The following RNF145 variants were observed in gnomAD, a reference collection of about 807,000 sequenced individuals.
The protein encoded by RNF145 is ring finger protein 145.
In RNF145, 12 loss-of-function variants were observed where a neutral mutation model predicts 57.3. That is an observed-to-expected ratio of 0.21 (90% CI 0.13 to 0.34). RNF145 has a LOEUF of 0.34. Among genes scored for constraint, RNF145 ranks in the 10% least tolerant of loss-of-function variants. RNF145 has a pLI of 1.00. For missense variants in RNF145, 429 were observed against 799.0 expected (o/e 0.54, Z 5.58); for synonymous variants, 262 against 288.3 (o/e 0.91, Z 0.92).
At position 159,203,625 on chromosome 5, in the gene RNF145, T is replaced by TG. The variant is rs767631582; in HGVS notation, c.-9_-8insC. On this transcript the variant is annotated 5_prime_UTR_variant, in exon 2 of 11. Transcript: ENST00000424310. Reference sequence around the variant, plus strand: ...TTTCTCCTTTGCAGCCATGTTGTTTTTTTTTTTCTTTTTTTTTTTCTTGGA... The same window carrying TG: ...TTTCTCCTTTGCAGCCATGTTGTTTTGTTTTTTTCTTTTTTTTTTTCTTGGA... 1 of 1,595,034 alleles carries TG rather than the reference T, an allele frequency of 6.3e-7. No individual in the cohort carries two copies. The highest frequency in any genetic ancestry group is 1.4e-5 in the African/African-American group (1 of 73,294).
chr5:159,181,832 T>C (rs907661533), intron 4 of RNF145, 128 bp downstream of exon 4: 1 of 597,252 alleles, frequency 1.7e-6, no homozygotes, highest in South Asian at 2.3e-5. Flanking sequence ...AATGGGTATA[T>C]GTGGGAAAAG....
intron 3 of RNF145, among the ~76,000 whole-genome samples, chr5:159,188,981 G>A (rs570079597): frequency 9.2e-5 from 14 of 151,988 alleles, no homozygotes; most frequent in East Asian, 5.8e-4. Flanking sequence ...TTTTAAGTAC[G>A]AAATTAATTG....
chr5:159,192,838 G>T (rs922894328), intron 3 of RNF145, among the ~76,000 whole-genome samples: 1 of 152,184 alleles, frequency 6.6e-6, no homozygotes, highest in African/African-American at 2.4e-5. Flanking sequence ...AAAAATAAGT[G>T]CCCAGGCACT....
intron 2 of RNF145, among the ~76,000 whole-genome samples, chr5:159,202,447 C>G (rs1785702219): frequency 6.6e-6 from 1 of 152,172 alleles, no homozygotes. Context: ...GATGAGTTTA[C>G]TGAACCGAAA....
intron 1 of RNF145, chr5:159,207,817 C>T (rs763004471): frequency 6.2e-7 from 1 of 1,614,176 alleles, no homozygotes; most frequent in Admixed American, 1.7e-5. Flanking sequence ...ACCGCAAAGA[C>T]AGGGAGTCTA....
chr5:159,159,818 G>A (rs1220353996), intron 10 of RNF145, among the ~76,000 whole-genome samples: 5 of 152,176 alleles, frequency 3.3e-5, no homozygotes. Context: ...TGAAGTTAAA[G>A]TTATAAAGAC....
chr5:159,180,881 G>A (rs113733836), intron 4 of RNF145, among the ~76,000 whole-genome samples: 6 of 152,130 alleles, frequency 3.9e-5, no homozygotes, highest in African/African-American at 1.4e-4. Flanking sequence ...TGTAGTTTTA[G>A]ATTTTGCAGG....
In RNF145 at chr5:159,173,997, G is replaced by A. The variant is rs1584676109; in HGVS notation, c.783C>T (p.Phe261=). The change falls in exon 6 of 11, where the codon TTC becomes TTT. Residue 261 remains phenylalanine (F), a synonymous_variant. Transcript: ENST00000424310. Reference sequence around the variant, plus strand: ...TTATTAATTACCTTGTCAGAAAAAGGAAAAGAAGCCTCTCACGTGATGCAG... The same window carrying A: ...TTATTAATTACCTTGTCAGAAAAAGAAAAAGAAGCCTCTCACGTGATGCAG... The part of the protein sequence containing the change: ...DQPASRERLL[F]LFLTSIAECC... The A allele has an allele frequency of 6.2e-7, 1 of 1,604,944 alleles. No individual in the cohort carries two copies. The highest frequency in any genetic ancestry group is 8.5e-7 in the Non-Finnish European group (1 of 1,176,832).
At chr5:159,209,808 C>T, upstream of RNF145, 1 of 1,522,086 alleles carries the variant, frequency 6.6e-7, no homozygotes, top group Non-Finnish European at 8.8e-7. Context: ...CGTGCTCTCT[C>T]ACTCCCAAAC....
At position 159,207,358 on chromosome 5, in the gene RNF145, C is replaced by CT. The variant is rs1017254372; in HGVS notation, c.-40+1872dup. On this transcript the variant is annotated intron_variant, in intron 1 of 10. Coordinates refer to ENST00000424310, the MANE Select transcript of RNF145 (RefSeq NM_001199383.2). ...GTTCTTCAAAAATACACCTCCTAAACTTTTTTTTAAAAAGACAAAGAAAAA... is the reference window on the plus strand; with the variant it reads ...GTTCTTCAAAAATACACCTCCTAAACTTTTTTTTTAAAAAGACAAAGAAAAA... 1.1e-4 allele frequency: 74 copies of CT among 681,174 alleles called. No homozygotes were observed. The Middle Eastern group carries it at 2.2e-3, about 20-fold the overall frequency. 42.2% of individuals were successfully genotyped at this position (681,174 alleles called of 1,614,324 possible). A position where few individuals can be genotyped will look rare whatever the true frequency, so the allele number is the denominator to read the frequency against.
At chr5:159,189,237 T>G (rs1235872189) in intron 3 of RNF145, among the ~76,000 whole-genome samples, 37 of 151,692 alleles carry the variant, frequency 2.4e-4, no homozygotes, top group Non-Finnish European at 1.5e-5. Flanking sequence ...CTAGAATATA[T>G]AAAGAACTCC....
chr5:159,203,168 T>C (rs572917715), intron 2 of RNF145, among the ~76,000 whole-genome samples: 244 of 152,316 alleles, frequency 1.6e-3, no homozygotes, highest in Non-Finnish European at 2.4e-3. Flanking sequence ...ATTGTTTATA[T>C]TTCATCATAT....
intron 3 of RNF145, among the ~76,000 whole-genome samples, chr5:159,193,306 T>C (rs1785348965): frequency 1.3e-5 from 2 of 152,174 alleles, no homozygotes; most frequent in African/African-American, 4.8e-5. Context: ...TCAGAGGACC[T>C]ACCCTGGGCA....
chr5:159,163,628 T>C (rs180980179), intron 8 of RNF145, among the ~76,000 whole-genome samples: 178 of 152,322 alleles, frequency 1.2e-3, no homozygotes, highest in Admixed American at 2.8e-3. Context: ...ATCTACTACC[T>C]GGTTTTCCTC....
chr5:159,207,458 C>CA (rs1199264754), intron 1 of RNF145: 2 of 1,494,088 alleles, frequency 1.3e-6, no homozygotes, highest in Middle Eastern at 1.7e-4. Context: ...AAAAGAAAAA[C>CA]AAAAATCATC....
At chr5:159,177,794 A>T (rs968850493) in intron 4 of RNF145, among the ~76,000 whole-genome samples, 2 of 152,068 alleles carry the variant, frequency 1.3e-5, no homozygotes, top group Non-Finnish European at 2.9e-5. Context: ...CATAGTGAGT[A>T]TAATTTAGAG....
At chr5:159,185,733 A>G (rs1470753744) in intron 3 of RNF145, among the ~76,000 whole-genome samples, 1 of 152,246 alleles carries the variant, frequency 6.6e-6, no homozygotes, top group Admixed American at 6.5e-5. Flanking sequence ...GAATGTTTTA[A>G]TATCTTCAGA....
At chr5:159,188,397 A>G (rs1785164107) in intron 3 of RNF145, among the ~76,000 whole-genome samples, 1 of 151,932 alleles carries the variant, frequency 6.6e-6, no homozygotes, top group Admixed American at 6.6e-5. Flanking sequence ...CTGTCTCAAA[A>G]AAAAAAAAAA....
At chr5:159,177,650 T>C (rs1462223304) in intron 4 of RNF145, among the ~76,000 whole-genome samples, 2 of 152,054 alleles carry the variant, frequency 1.3e-5, no homozygotes, top group African/African-American at 4.8e-5. Context: ...TTGGAACACA[T>C]TTCCTAATAT....
Sources: allele counts gnomAD v4.1 joint callset (sites outside exome capture counted in the v4.1 genomes callset), GRCh38; gene constraint gnomAD v4.1.1; transcripts MANE v1.5; gene names NCBI Gene and HGNC (gene_info 2026-07-23, HGNC 2026-07-21).